The following CPED1 variants were observed in gnomAD, a reference collection of about 807,000 sequenced individuals.
The protein encoded by CPED1 is cadherin like and PC-esterase domain containing 1, also known as cadherin-like and PC-esterase domain-containing protein 1.
In CPED1, 114 loss-of-function variants were observed where a neutral mutation model predicts 128.2. The observed-to-expected ratio is 0.89, with a 90% confidence interval of 0.76 to 1.04. The LOEUF (loss-of-function observed/expected upper bound fraction) is 1.04, where lower values mean the gene tolerates loss of function less well. Ranked by LOEUF, CPED1 falls within the 50% of genes least tolerant of loss-of-function variation. The pLI is 0.00. For missense variants in CPED1, 1,211 were observed against 1,207.1 expected (o/e 1.00, Z -0.05); for synonymous variants, 462 against 426.7 (o/e 1.08, Z -1.02).
At chr7:121,197,224 C>G (rs1158606468) in intron 16 of CPED1, among the ~76,000 whole-genome samples, 1 of 150,222 alleles carries the variant, frequency 6.7e-6, no homozygotes, top group Non-Finnish European at 1.5e-5. Context: ...TGCATTGACT[C>G]TCATTTTAAA....
chr7:121,047,721 T>TCCTCTCC (rs1793250431), intron 4 of CPED1, among the ~76,000 whole-genome samples: 1 of 116,496 alleles, frequency 8.6e-6, no homozygotes, highest in African/African-American at 4.4e-5. Flanking sequence ...TCTTCTTTTT[T>TCCTCTCC]TTTTTTTGAG....
At chr7:121,062,998 T>G (rs531000619) in intron 4 of CPED1, 1 of 152,216 alleles carries the variant, frequency 6.6e-6, no homozygotes, top group Non-Finnish European at 1.5e-5. Context: ...CAGTCTCGCG[T>G]ATGTCTTCAG....
chr7:121,166,615 C>T (rs555036910), intron 16 of CPED1, among the ~76,000 whole-genome samples: 10 of 152,236 alleles, frequency 6.6e-5, no homozygotes, highest in East Asian at 3.9e-4. Context: ...TCATGATGCT[C>T]TTCTCCCTGC....
intron 3 of CPED1, among the ~76,000 whole-genome samples, chr7:121,031,830 C>G (rs1792742647): frequency 6.6e-6 from 1 of 151,930 alleles, no homozygotes; most frequent in Non-Finnish European, 1.5e-5. Context: ...AAACTTAATA[C>G]TATGTATATA....
At chr7:121,275,881 T>C (rs1172611634) in intron 22 of CPED1, among the ~76,000 whole-genome samples, 1 of 151,694 alleles carries the variant, frequency 6.6e-6, no homozygotes, top group Admixed American at 6.6e-5. Context: ...TTTACAAGTT[T>C]ACTATCTAAC....
chr7:121,208,350 A>G (rs1276973197), intron 16 of CPED1, among the ~76,000 whole-genome samples: 1 of 152,046 alleles, frequency 6.6e-6, no homozygotes, highest in Non-Finnish European at 1.5e-5. Flanking sequence ...AACTTATACT[A>G]TCTAATTCAC....
At chr7:121,210,869 C>A (rs1210619280) in intron 16 of CPED1, among the ~76,000 whole-genome samples, 2 of 151,658 alleles carry the variant, frequency 1.3e-5, no homozygotes, top group African/African-American at 4.8e-5. Context: ...CCCTATTTAC[C>A]CTGATGTGAT....
chr7:121,267,153 C>A (rs200148424), intron 20 of CPED1, 62 bp from the exon 21 acceptor site: 2 of 912,900 alleles, frequency 2.2e-6, no homozygotes, highest in African/African-American at 1.7e-5. Context: ...TTTATATAAA[C>A]AACAAACATC....
intron 4 of CPED1, among the ~76,000 whole-genome samples, chr7:121,063,334 C>T (rs549633513): frequency 1.2e-4 from 14 of 117,828 alleles, no homozygotes; most frequent in South Asian, 8.2e-4. Flanking sequence ...GAAGTGGAAC[C>T]TAGAGACTAA....
chr7:121,159,464 T>C (rs1796363562), intron 16 of CPED1, among the ~76,000 whole-genome samples: 1 of 152,158 alleles, frequency 6.6e-6, no homozygotes, highest in African/African-American at 2.4e-5. Flanking sequence ...TACATGGATT[T>C]GTTATGCCGG....
intron 6 of CPED1, among the ~76,000 whole-genome samples, chr7:121,099,666 A>C (rs962205330): frequency 6.6e-6 from 1 of 152,060 alleles, no homozygotes; most frequent in Non-Finnish European, 1.5e-5. Context: ...ACGCTCAGCC[A>C]CCTTTTTTAC....
At chr7:121,132,447 A>T (rs779136804) in intron 12 of CPED1, among the ~76,000 whole-genome samples, 4 of 152,064 alleles carry the variant, frequency 2.6e-5, no homozygotes, top group Non-Finnish European at 5.9e-5. Context: ...CAATGACTTC[A>T]TCTTTCCTTT....
intron 18 of CPED1, among the ~76,000 whole-genome samples, chr7:121,264,125 C>T (rs916593254): frequency 3.3e-5 from 5 of 151,956 alleles, no homozygotes; most frequent in African/African-American, 1.2e-4. Flanking sequence ...CACCTACAAG[C>T]CAGAGAGGGC....
At chr7:121,176,709 A>C (rs6971452) in intron 16 of CPED1, among the ~76,000 whole-genome samples, 9,469 of 152,162 alleles carry the variant, frequency 0.062, 377 homozygotes, top group African/African-American at 0.092. Context: ...TATCTTGCCA[A>C]ACAGATTTGG....
intron 22 of CPED1, among the ~76,000 whole-genome samples, chr7:121,285,533 C>T (rs1792548636): frequency 6.6e-6 from 1 of 152,170 alleles, no homozygotes. Flanking sequence ...TTAGAAATTT[C>T]TTCTGCCAGA....
intron 4 of CPED1, among the ~76,000 whole-genome samples, chr7:121,049,671 G>A (rs1020489021): frequency 3.3e-5 from 5 of 152,214 alleles, no homozygotes; most frequent in Admixed American, 2.0e-4. Flanking sequence ...CTAACTGGGT[G>A]TCATGCTGCA....
intron 16 of CPED1, among the ~76,000 whole-genome samples, chr7:121,191,278 A>G (rs1323324918): frequency 6.6e-6 from 1 of 152,160 alleles, no homozygotes; most frequent in East Asian, 1.9e-4. Context: ...TTGCAGATTT[A>G]TAGGGAAATT....
chr7:121,251,310 G>A (rs140448671), intron 18 of CPED1, among the ~76,000 whole-genome samples: 2,385 of 152,234 alleles, frequency 0.016, 65 homozygotes, highest in African/African-American at 0.053. Flanking sequence ...TTGATGGGAC[G>A]TATCTCAAAA....
At chr7:121,028,454 G>A (rs762371048) in intron 3 of CPED1, among the ~76,000 whole-genome samples, 5 of 152,116 alleles carry the variant, frequency 3.3e-5, no homozygotes, top group Admixed American at 6.6e-5. Flanking sequence ...TTGCGCAGAC[G>A]CTGAACCCAT....
Sources: allele counts gnomAD v4.1 joint callset (sites outside exome capture counted in the v4.1 genomes callset), GRCh38; gene constraint gnomAD v4.1.1; transcripts MANE v1.5; gene names NCBI Gene and HGNC (gene_info 2026-07-23, HGNC 2026-07-21).